The following TFEC variants were observed in gnomAD, a reference collection of about 807,000 sequenced individuals.
TFEC encodes transcription factor EC, also known as class E basic helix-loop-helix protein 34.
TFEC carries 31 observed loss-of-function variants against 41.6 expected under a neutral mutation model. That is an observed-to-expected ratio of 0.74 (90% CI 0.56 to 1.01). The LOEUF (loss-of-function observed/expected upper bound fraction) is 1.01. Ranked by LOEUF, TFEC falls within the 50% of genes least tolerant of loss-of-function variation. The pLI is 0.00. For missense variants in TFEC, 402 were observed against 404.1 expected, an observed-to-expected ratio of 0.99 and a Z score of 0.04; for synonymous variants, 143 against 140.6, an observed-to-expected ratio of 1.02 and a Z score of -0.12.
rs558159190 is a variant in TFEC, at chr7:116,113,160, C to A, written c.-68-1122G>T. ...TATTTCTGCCAGTTAAACTATATCTCCCCCACTGCCACAATAAGTACTAAC... is the reference window on the plus strand; with the variant it reads ...TATTTCTGCCAGTTAAACTATATCTACCCCACTGCCACAATAAGTACTAAC... On this transcript the variant is annotated intron_variant, in intron 1 of 8. Transcript: ENST00000484212. 2.6e-5 allele frequency among the ~76,000 whole-genome samples: 4 copies of A among 152,040 alleles called. No homozygotes were observed. In the East Asian group the frequency reaches 7.8e-4, roughly 29 times the overall value.
intron 3 of TFEC, among the ~76,000 whole-genome samples, chr7:116,066,152 G>A (rs1358467085): frequency 6.6e-6 from 1 of 152,156 alleles, no homozygotes; most frequent in Non-Finnish European, 1.5e-5. Flanking sequence ...CTATTGAGGA[G>A]ATGAATTCAC....
At chr7:116,082,020 G>C (rs1797102481) in intron 3 of TFEC, among the ~76,000 whole-genome samples, 1 of 151,826 alleles carries the variant, frequency 6.6e-6, no homozygotes, top group East Asian at 1.9e-4. Context: ...TATATCTTTA[G>C]TATGGTACTG....
intron 1 of TFEC, among the ~76,000 whole-genome samples, chr7:115,998,757 G>A (rs1050485892): frequency 3.3e-5 from 5 of 151,952 alleles, no homozygotes; most frequent in African/African-American, 7.2e-5. Context: ...TAATGATAAC[G>A]TAGCCAATCA....
At chr7:116,076,174 A>G (rs374595630) in intron 3 of TFEC, among the ~76,000 whole-genome samples, 4 of 152,262 alleles carry the variant, frequency 2.6e-5, no homozygotes, top group African/African-American at 4.8e-5. Flanking sequence ...AAAAGCAAAA[A>G]CAATCACTGC....
At chr7:115,966,440 C>T (rs1318678138) in intron 3 of TFEC, among the ~76,000 whole-genome samples, 1 of 151,684 alleles carries the variant, frequency 6.6e-6, no homozygotes, top group Admixed American at 6.6e-5. Context: ...GTATTTATTA[C>T]ATACCAGGTA....
chr7:116,070,358 A>G (rs909542162), intron 3 of TFEC, among the ~76,000 whole-genome samples: 10 of 151,478 alleles, frequency 6.6e-5, no homozygotes, highest in Non-Finnish European at 1.3e-4. Flanking sequence ...TTTTGCTTAT[A>G]CCAAAAAATG....
chr7:116,054,850 A>G (rs1796391636), intron 3 of TFEC, among the ~76,000 whole-genome samples: 1 of 152,114 alleles, frequency 6.6e-6, no homozygotes, highest in South Asian at 2.1e-4. Context: ...GATAAGATAG[A>G]TCTTTACCAC....
chr7:116,107,999 A>C (rs1292565401), intron 3 of TFEC, among the ~76,000 whole-genome samples: 1 of 152,180 alleles, frequency 6.6e-6, no homozygotes, highest in African/African-American at 2.4e-5. Flanking sequence ...TGTGAGGATA[A>C]TGATGAGGAG....
At chr7:116,089,714 T>C (rs778618185) in intron 3 of TFEC, among the ~76,000 whole-genome samples, 72 of 152,080 alleles carry the variant, frequency 4.7e-4, no homozygotes, top group Non-Finnish European at 4.6e-4. Flanking sequence ...CCACTGAGGG[T>C]GCAAAAGACA....
chr7:115,948,364 C>T (rs543269551), intron 6 of TFEC, among the ~76,000 whole-genome samples: 15 of 151,928 alleles, frequency 9.9e-5, no homozygotes, highest in African/African-American at 3.6e-4. Context: ...CAGCATCATC[C>T]TGATACCAAA....
intron 6 of TFEC, among the ~76,000 whole-genome samples, chr7:115,944,743 A>T (rs1791434966): frequency 6.6e-6 from 1 of 151,360 alleles, no homozygotes; most frequent in South Asian, 2.2e-4. Context: ...TCCTCTCTCA[A>T]TTCAGTACTC....
At chr7:115,980,469 G>C (rs1391750105) in intron 2 of TFEC, among the ~76,000 whole-genome samples, 2 of 152,184 alleles carry the variant, frequency 1.3e-5, no homozygotes, top group Non-Finnish European at 2.9e-5. Context: ...GATAATAGGG[G>C]CTGGGCATGG....
At chr7:115,964,377 G>A (rs142620354) in intron 3 of TFEC, among the ~76,000 whole-genome samples, 7 of 151,384 alleles carry the variant, frequency 4.6e-5, no homozygotes, top group Admixed American at 1.3e-4. Flanking sequence ...AAAGGCAAGC[G>A]GGAATATGTC....
chr7:116,048,346 G>A (rs1323729377), intron 3 of TFEC, among the ~76,000 whole-genome samples: 1 of 152,236 alleles, frequency 6.6e-6, no homozygotes, highest in East Asian at 1.9e-4. Flanking sequence ...ACAAGCTTCA[G>A]TAACTGATTT....
intron 6 of TFEC, among the ~76,000 whole-genome samples, chr7:115,944,572 T>C (rs1793692225): frequency 6.6e-6 from 1 of 151,648 alleles, no homozygotes; most frequent in Non-Finnish European, 1.5e-5. Flanking sequence ...AATAAAAACT[T>C]CATAGAATTC....
At chr7:115,963,743 T>A (rs530905006) in intron 3 of TFEC, among the ~76,000 whole-genome samples, 1 of 151,758 alleles carries the variant, frequency 6.6e-6, no homozygotes, top group African/African-American at 2.4e-5. Flanking sequence ...AGACCAAAGG[T>A]TATCAGGATC....
chr7:115,950,779 T>C, intron 6 of TFEC, 95 bp downstream of exon 6: 1 of 888,234 alleles, frequency 1.1e-6, no homozygotes. Context: ...CTGCTTAGTT[T>C]CCTAGTCATT....
intron 6 of TFEC, 54 bp from the exon 7 acceptor site, chr7:115,942,094 A>C (rs1016723590): frequency 6.6e-7 from 1 of 1,505,562 alleles, no homozygotes; most frequent in African/African-American, 1.4e-5. Flanking sequence ...CAGAATTCAT[A>C]AGAACTTACA....
rs536877989 is a variant in TFEC, at chr7:115,956,590, T to A, written c.382+89A>T. ...TTTTTTGTAACTGTTTTGTTATACT[T>A]TTAAAATCCTAGTTAGCACAATATA... On this transcript the variant is annotated intron_variant, in intron 4 of 7. Coordinates refer to ENST00000265440, the MANE Select transcript of TFEC (RefSeq NM_012252.4). 169 of 735,164 alleles carry A rather than the reference T, an allele frequency of 2.3e-4. 3 individuals are homozygous for A. The South Asian group carries it at 6.5e-3, about 28-fold the overall frequency. 45.5% of individuals were successfully genotyped at this position (735,164 alleles called of 1,614,324 possible). A position where few individuals can be genotyped will look rare whatever the true frequency, so the allele number is the denominator to read the frequency against.
Sources: gnomAD v4.1 joint callset for allele counts (sites outside exome capture counted in the v4.1 genomes callset) on GRCh38, gnomAD v4.1.1 for gene constraint, MANE v1.5 for transcripts, NCBI Gene and HGNC (gene_info 2026-07-23, HGNC 2026-07-21) for gene names.